Variants in PIGK observed in about 807,000 individuals in gnomAD.
The protein encoded by PIGK is phosphatidylinositol glycan anchor biosynthesis class K.
PIGK carries 42 observed loss-of-function variants against 50.6 expected under a neutral mutation model. The ratio of observed to expected loss-of-function variants is 0.83; its 90% CI spans 0.65 to 1.07. PIGK has a LOEUF of 1.07. Among genes scored for constraint, PIGK ranks in the 50% least tolerant of loss-of-function variants. The pLI is 0.00. For synonymous variants in PIGK, 151 were observed against 156.0 expected (o/e 0.97, Z 0.24); for missense variants, 448 against 488.7 (o/e 0.92, Z 0.78).
intron 10 of PIGK, among the ~76,000 whole-genome samples, chr1:77,116,562 CTGTGTGTGTGTGTGTGTGTGTG>C (rs763119489): frequency 1.5e-5 from 2 of 134,982 alleles, no homozygotes; most frequent in Non-Finnish European, 3.1e-5. Flanking sequence ...AAATGTGTCT[CTGTGTGTGTGTGTGTGTGTGTG>C]TGTGTGTGTG....
At chr1:77,188,056 C>G (rs537461385) in intron 3 of PIGK, among the ~76,000 whole-genome samples, 1 of 152,228 alleles carries the variant, frequency 6.6e-6, no homozygotes, top group Admixed American at 6.5e-5. Context: ...CCTCAGGACC[C>G]TGCACTAATT....
intron 9 of PIGK, among the ~76,000 whole-genome samples, chr1:77,145,615 A>G (rs996249373): frequency 6.6e-6 from 1 of 152,096 alleles, no homozygotes; most frequent in East Asian, 1.9e-4. Context: ...GATACAGCCC[A>G]ATATAAAGTT....
chr1:77,193,162 C>A (rs1369694094), intron 3 of PIGK, among the ~76,000 whole-genome samples: 1 of 151,720 alleles, frequency 6.6e-6, no homozygotes, highest in Admixed American at 6.6e-5. Context: ...TTAATTTATC[C>A]TTTTAATTTC....
chr1:77,179,021 GC>G (rs1655551971), intron 3 of PIGK, among the ~76,000 whole-genome samples: 1 of 152,150 alleles, frequency 6.6e-6, no homozygotes, highest in Non-Finnish European at 1.5e-5. Flanking sequence ...CATGCGCTAG[GC>G]CCCAACAGAC....
chr1:77,094,540 T>C (rs529977476), intron 10 of PIGK, among the ~76,000 whole-genome samples: 142 of 152,264 alleles, frequency 9.3e-4, no homozygotes, highest in African/African-American at 3.2e-3. Context: ...TCAGAGATTA[T>C]AGAAACAATA....
chr1:77,192,073 T>G (rs1208260644), intron 3 of PIGK, among the ~76,000 whole-genome samples: 1 of 151,876 alleles, frequency 6.6e-6, no homozygotes, highest in East Asian at 1.9e-4. Flanking sequence ...AGGTCCAGGC[T>G]GCAGTGAGCC....
In PIGK at chr1:77,102,095, T is replaced by C. The variant is rs115618064; in HGVS notation, c.1072-9605A>G. Among the ~76,000 whole-genome samples the C allele has an allele frequency of 3.8e-3, 571 of 152,224 alleles. 5 individuals carry two copies. The highest frequency in any genetic ancestry group is 0.013 in the African/African-American group (540 of 41,538). On this transcript the variant is annotated intron_variant, in intron 10 of 10. Transcript: ENST00000370812. ...TTCCAATTGGGCAAAGTAACTACAGTTGGTGAAAACATTCAAAGGTGGCAG... is the reference window on the plus strand; with the variant it reads ...TTCCAATTGGGCAAAGTAACTACAGCTGGTGAAAACATTCAAAGGTGGCAG...
chr1:77,210,457 A>T lies in PIGK; in HGVS notation c.126T>A (p.His42Gln). ...DQAEQFFRSG[H>Q]TNNWAVLVCT... ...TTACCAGAACAGCCCAGTTGTTTGTATGGCCACTTCTAAAGAATTGTTCTG... is the reference window on the plus strand; with the variant it reads ...TTACCAGAACAGCCCAGTTGTTTGTTTGGCCACTTCTAAAGAATTGTTCTG... Residue 42 changes from histidine to glutamine, a missense_variant, in exon 2 of 11, where the codon CAT becomes CAA. Coordinates refer to ENST00000370812, the MANE Select transcript of PIGK (RefSeq NM_005482.3). The T allele has an allele frequency of 6.3e-7, 1 of 1,595,200 alleles. No homozygotes were observed. Among genetic ancestry groups the T allele is most frequent in the Non-Finnish European group, 8.6e-7 (1 of 1,167,942 alleles).
chr1:77,176,594 G>A (rs1223662500), intron 3 of PIGK, among the ~76,000 whole-genome samples: 3 of 152,062 alleles, frequency 2.0e-5, no homozygotes. Context: ...CTCAAAACTT[G>A]ACAAGCACAC....
At chr1:77,142,881 A>AGG (rs1654679666) in intron 9 of PIGK, among the ~76,000 whole-genome samples, 1 of 152,152 alleles carries the variant, frequency 6.6e-6, no homozygotes, top group Non-Finnish European at 1.5e-5. Flanking sequence ...CAAAATTTGA[A>AGG]TGCAAGTCCA....
intron 3 of PIGK, among the ~76,000 whole-genome samples, chr1:77,201,755 A>G (rs1656171525): frequency 1.3e-5 from 2 of 151,716 alleles, no homozygotes; most frequent in African/African-American, 2.4e-5. Context: ...ATAAAAAACA[A>G]GAAAAAAAAA....
chr1:77,193,066 T>C lies in PIGK; in HGVS notation c.239+13574A>G, dbSNP rs546305904. 6.6e-5 allele frequency among the ~76,000 whole-genome samples: 10 copies of C among 152,328 alleles called. 1 individual carries two copies. The East Asian group carries it at 1.7e-3, about 26-fold the overall frequency. The stretch of plus-strand genomic sequence containing the variant: ...ACTGAATTGAGTAACTTCCCACTCA[T>C]GCTTTGGCCAAATTCTTAGAAACCA... On this transcript the variant is annotated intron_variant, in intron 3 of 10. Coordinates refer to ENST00000370812, the MANE Select transcript of PIGK (RefSeq NM_005482.3).
intron 1 of PIGK, 121 bp from the exon 2 acceptor site, chr1:77,210,610 A>T (rs1269461684): frequency 1.7e-6 from 1 of 587,264 alleles, no homozygotes; most frequent in Admixed American, 3.4e-5. Context: ...ACGTAAGTTT[A>T]TGAAGATTCC....
intron 3 of PIGK, among the ~76,000 whole-genome samples, chr1:77,205,771 A>G (rs956218361): frequency 2.6e-5 from 4 of 152,176 alleles, no homozygotes; most frequent in Admixed American, 2.0e-4. Flanking sequence ...CTGCTTTGGT[A>G]GTAGGAAAAA....
At chr1:77,186,385 G>A (rs1245039018) in intron 3 of PIGK, among the ~76,000 whole-genome samples, 1 of 152,220 alleles carries the variant, frequency 6.6e-6, no homozygotes, top group African/African-American at 2.4e-5. Flanking sequence ...ACCTGGTTGT[G>A]CACTTTGCAT....
intron 4 of PIGK, among the ~76,000 whole-genome samples, chr1:77,168,810 C>A (rs545214795): frequency 5.4e-4 from 82 of 151,728 alleles, no homozygotes; most frequent in African/African-American, 1.8e-3. Context: ...GAGTATAATA[C>A]CATTTTTTAC....
Position 77,219,358 on chromosome 1 carries a change from T to C in PIGK, c.45A>G (p.Ala15=), listed in dbSNP as rs141867794. Residue 15 remains alanine, a synonymous_variant, in exon 1 of 11, where the codon GCA becomes GCG. Coordinates refer to ENST00000370812, the MANE Select transcript of PIGK (RefSeq NM_005482.3). ...TGCCGAAGGACAAGAGCAACACAGT[T>C]GCCAAGACAGTCGCAGCCCGGCTGA... ...DSLSRAATVL[A]TVLLLSFGSV... 7 of 1,613,702 alleles carry C rather than the reference T, an allele frequency of 4.3e-6. No homozygotes were observed. In the African/African-American group the frequency reaches 9.3e-5, roughly 22 times the overall value.
At chr1:77,098,116 T>G (rs1653462968) in intron 10 of PIGK, among the ~76,000 whole-genome samples, 1 of 152,278 alleles carries the variant, frequency 6.6e-6, no homozygotes, top group Non-Finnish European at 1.5e-5. Flanking sequence ...GGAAAGGGAA[T>G]AGTAGTCCTA....
intron 10 of PIGK, among the ~76,000 whole-genome samples, chr1:77,112,241 C>CTTTTTTTTTTTTTTTTTTTT (rs1254622385): frequency 6.6e-6 from 1 of 151,534 alleles, no homozygotes; most frequent in Admixed American, 6.6e-5. Context: ...AATCTTAACT[C>CTTTTTTTTTTTTTTTTTTTT]TTATCAGGAA....
Sources: allele counts gnomAD v4.1 joint callset (sites outside exome capture counted in the v4.1 genomes callset), GRCh38; gene constraint gnomAD v4.1.1; transcripts MANE v1.5; gene names NCBI Gene and HGNC (gene_info 2026-07-23, HGNC 2026-07-21).